Variants in PCDHGA1 observed in about 807,000 individuals in gnomAD.
The protein encoded by PCDHGA1 is protocadherin gamma subfamily A, 1.
In PCDHGA1, 32 loss-of-function variants were observed where a neutral mutation model predicts 58.0. The ratio of observed to expected loss-of-function variants is 0.55; its 90% confidence interval spans 0.42 to 0.74. The LOEUF (loss-of-function observed/expected upper bound fraction) is 0.74, where lower values mean the gene tolerates loss of function less well. Ranked by LOEUF, PCDHGA1 falls within the 30% of genes least tolerant of loss-of-function variation. PCDHGA1 has a pLI of 0.00. For synonymous variants in PCDHGA1, 498 were observed against 501.1 expected (o/e 0.99, Z 0.08); for missense variants, 1,205 against 1,182.3 (o/e 1.02, Z -0.28).
At chr5:141,427,191 G>A (rs749528616) in intron 1 of PCDHGA1, 1 of 456,716 alleles carries the variant, frequency 2.2e-6, no homozygotes, top group South Asian at 1.5e-5. Flanking sequence ...TAAATCCAAA[G>A]ACTTAATAGA....
At position 141,331,470 on chromosome 5, in the gene PCDHGA1, C is replaced by A. The variant is rs564015279; in HGVS notation, c.786C>A (p.Leu262=). ...ACGTGCCGCTGGGTACTCAGCTGCT[C>A]ATGGTAAATGCCACTGACCCTGATG... The part of the protein sequence containing the change: ...PENVPLGTQL[L]MVNATDPDEG... Residue 262 remains leucine (L), a synonymous_variant, in exon 1 of 4, where the codon CTC becomes CTA. Transcript: ENST00000517417. 19 of 1,614,160 alleles carry A rather than the reference C, an allele frequency of 1.2e-5. No homozygotes were observed. The East Asian group carries it at 4.2e-4, about 36-fold the overall frequency.
chr5:141,428,446 T>C lies in PCDHGA1; in HGVS notation c.2422-66361T>C, dbSNP rs575475897. On this transcript the variant is annotated intron_variant, in intron 1 of 3. Coordinates refer to ENST00000517417, the MANE Select transcript of PCDHGA1 (RefSeq NM_018912.3). The stretch of plus-strand genomic sequence containing the variant: ...CTGTTCTAAGACTAGACCAGGGGTT[T>C]TTCCCAACTACAATGAGGGAACTTT... 4.2e-5 allele frequency: 16 copies of C among 378,218 alleles called. No homozygotes were observed. The East Asian group carries it at 8.8e-4, about 21-fold the overall frequency. 23.4% of individuals were successfully genotyped at this position (378,218 alleles called of 1,614,324 possible). A position where few individuals can be genotyped will look rare whatever the true frequency, so the allele number is the denominator to read the frequency against.
chr5:141,403,759 G>A (rs900084263), intron 1 of PCDHGA1: 2 of 1,613,794 alleles, frequency 1.2e-6, no homozygotes, highest in Non-Finnish European at 1.7e-6. Flanking sequence ...CCAGCGACCT[G>A]GATGAGGGAA....
rs1554073405 is a variant in PCDHGA1 at position 141,347,137 on chromosome 5, C to CTTTCTTTCTTTCTT, written c.2421+14033_2421+14034insTTCTTTCTTTCTTT. 2.6e-5 allele frequency among the ~76,000 whole-genome samples: 3 copies of CTTTCTTTCTTTCTT among 113,834 alleles called. No individual in the cohort carries two copies. In the South Asian group the frequency reaches 9.4e-4, roughly 36 times the overall value. 74.7% of individuals were successfully genotyped at this position (113,834 alleles called of 152,430 possible). On this transcript the variant is annotated intron_variant, in intron 1 of 3. Transcript: ENST00000517417. ...CTCCTTCCTTCCTTCCTCTGTTTCTCTCTTTCTTTCTTTCTTTCTTTCTTT... is the reference window on the plus strand; with the variant it reads ...CTCCTTCCTTCCTTCCTCTGTTTCTCTTTCTTTCTTTCTTTCTTTCTTTCTTTCTTTCTTTCTTT...
At chr5:141,401,657 G>T (rs1398256315) in intron 1 of PCDHGA1, among the ~76,000 whole-genome samples, 3 of 152,204 alleles carry the variant, frequency 2.0e-5, no homozygotes, top group Non-Finnish European at 4.4e-5. Context: ...ATGACTGGAT[G>T]TTTTCTCAAC....
At position 141,476,097 on chromosome 5, in the gene PCDHGA1, A is replaced by G. The variant is rs1366023758; in HGVS notation, c.2422-18710A>G. 1 of 1,571,812 alleles carries G rather than the reference A, an allele frequency of 6.4e-7. No individual in the cohort carries two copies. Among genetic ancestry groups the G allele is most frequent in the African/African-American group, 1.4e-5 (1 of 73,826 alleles). ...CAGGGACGATCTGGACCCCGCTGAG[A>G]GGAACTGCTTTTGAGTGAGATGGTC... On this transcript the variant is annotated intron_variant, in intron 1 of 3. Coordinates refer to ENST00000517417, the MANE Select transcript of PCDHGA1 (RefSeq NM_018912.3). The surrounding 1 kb of genome is among the most constrained non-coding windows in gnomAD (Gnocchi z 7.6).
At chr5:141,479,982 C>T (rs368461965) in intron 1 of PCDHGA1, among the ~76,000 whole-genome samples, 1 of 152,192 alleles carries the variant, frequency 6.6e-6, no homozygotes, top group South Asian at 2.1e-4. Flanking sequence ...CTACCATTTA[C>T]CAACTAGGAG....
At chr5:141,409,519 C>T in intron 1 of PCDHGA1, 1 of 1,614,040 alleles carries the variant, frequency 6.2e-7, no homozygotes, top group Non-Finnish European at 8.5e-7. Context: ...GAAGCATCAC[C>T]TTGTATGTCG....
intron 2 of PCDHGA1, among the ~76,000 whole-genome samples, chr5:141,495,700 T>A (rs2099763052): frequency 6.6e-6 from 1 of 152,228 alleles, no homozygotes; most frequent in Non-Finnish European, 1.5e-5. Flanking sequence ...GCTCAATAAA[T>A]GTGGAGTGAG....
At chr5:141,404,672 G>T in intron 1 of PCDHGA1, 1 of 1,614,156 alleles carries the variant, frequency 6.2e-7, no homozygotes, top group Non-Finnish European at 8.5e-7. Flanking sequence ...TGGTTCTACT[G>T]GTGTGGAGCT....
chr5:141,470,836 C>T lies in PCDHGA1; in HGVS notation c.2422-23971C>T, dbSNP rs577375498. On this transcript the variant is annotated intron_variant, in intron 1 of 3. Transcript: ENST00000517417. ...CTGAGTAGTTAGGACGACAAACACA[C>T]GCCACCATGCTCAGATAAGTTTTTT... 2.6e-5 allele frequency among the ~76,000 whole-genome samples: 4 copies of T among 152,176 alleles called. No homozygotes were observed. The East Asian group carries it at 5.8e-4, about 22-fold the overall frequency.
chr5:141,364,414 C>A (rs776503621), intron 1 of PCDHGA1: 13 of 1,612,210 alleles, frequency 8.1e-6, no homozygotes, highest in Admixed American at 3.3e-5. Context: ...AGCCAGGATC[C>A]GGGCAGATCC....
intron 1 of PCDHGA1, chr5:141,370,515 C>T (rs570951423): frequency 6.2e-7 from 1 of 1,613,860 alleles, no homozygotes; most frequent in South Asian, 1.1e-5. Context: ...TCCCGAGGAG[C>T]TGGACAGGGG....
chr5:141,383,202 G>A, intron 1 of PCDHGA1: 1 of 1,614,060 alleles, frequency 6.2e-7, no homozygotes. Flanking sequence ...AGAGTGCGCG[G>A]TGTCTGGTAA....
Position 141,489,524 on chromosome 5 carries a change from T to TA in PCDHGA1, c.2422-5282dup. Reference sequence around the variant, plus strand: ...AATCAAAAGATTGACCGAGAAAGCCTATGTGGAGCCAGCACCAGCTGCCTG... The same window carrying TA: ...AATCAAAAGATTGACCGAGAAAGCCTAATGTGGAGCCAGCACCAGCTGCCTG... On this transcript the variant is annotated intron_variant, in intron 1 of 3. Transcript: ENST00000517417. This position sits in a 1 kb window ranked among gnomAD's most constrained non-coding sequence, Gnocchi z 4.5. 6.2e-7 allele frequency: 1 copy of TA among 1,614,076 alleles called. No homozygotes were observed. Among genetic ancestry groups the TA allele is most frequent in the Non-Finnish European group, 8.5e-7 (1 of 1,180,010 alleles).
chr5:141,365,813 A>G, intron 1 of PCDHGA1: 1 of 1,613,876 alleles, frequency 6.2e-7, no homozygotes, highest in East Asian at 2.2e-5. Flanking sequence ...GGCTGAAGAC[A>G]CATTTCAGGG....
At chr5:141,400,059 T>C (rs2093953035) in intron 1 of PCDHGA1, 2 of 1,613,750 alleles carry the variant, frequency 1.2e-6, no homozygotes, top group South Asian at 2.2e-5. Context: ...CTGTGCGTGA[T>C]GGTGGACAGC....
chr5:141,366,679 G>C (rs1414514905), intron 1 of PCDHGA1: 2 of 1,614,156 alleles, frequency 1.2e-6, no homozygotes, highest in Non-Finnish European at 1.7e-6. Flanking sequence ...TTAGTGAAGA[G>C]AGCTGTGAGA....
At chr5:141,433,285 C>G in intron 1 of PCDHGA1, 1 of 1,169,826 alleles carries the variant, frequency 8.5e-7, no homozygotes, top group Non-Finnish European at 1.2e-6. Flanking sequence ...CCTCAAACTC[C>G]TAGGCTCAAG....
Sources: allele counts gnomAD v4.1 joint callset (sites outside exome capture counted in the v4.1 genomes callset), GRCh38; gene constraint gnomAD v4.1.1; non-coding constraint Gnocchi (gnomAD v3.1); transcripts MANE v1.5; gene names NCBI Gene and HGNC (gene_info 2026-07-23, HGNC 2026-07-21).